Variants in CCSER1 observed in about 807,000 individuals in gnomAD.
CCSER1 encodes coiled-coil serine rich protein 1.
In CCSER1, 41 loss-of-function variants were observed where a neutral mutation model predicts 82.0. That is an observed-to-expected ratio of 0.50 (90% CI 0.39 to 0.65). CCSER1 has a LOEUF of 0.65. Ranked by LOEUF, CCSER1 falls within the 30% of genes least tolerant of loss-of-function variation. The pLI is 0.00. For missense variants in CCSER1, 1,119 were observed against 1,064.2 expected, an observed-to-expected ratio of 1.05 and a Z score of -0.72; for synonymous variants, 414 against 383.9, an observed-to-expected ratio of 1.08 and a Z score of -0.92.
intron 4 of CCSER1, among the ~76,000 whole-genome samples, chr4:90,407,617 C>T (rs1753926079): frequency 6.6e-6 from 1 of 152,156 alleles, no homozygotes; most frequent in African/African-American, 2.4e-5. Flanking sequence ...TACTAGCAAA[C>T]TAAATCCAGC....
At chr4:91,141,012 G>A (rs551040513) in intron 10 of CCSER1, among the ~76,000 whole-genome samples, 4 of 151,968 alleles carry the variant, frequency 2.6e-5, no homozygotes, top group Non-Finnish European at 5.9e-5. Context: ...CCATGTTTAT[G>A]GTCATGTATG....
chr4:90,889,878 T>A (rs1372936441), intron 8 of CCSER1, among the ~76,000 whole-genome samples: 1 of 152,124 alleles, frequency 6.6e-6, no homozygotes, highest in Non-Finnish European at 1.5e-5. Flanking sequence ...TAGCTGACAG[T>A]ATGGGTAGCA....
intron 5 of CCSER1, among the ~76,000 whole-genome samples, chr4:90,562,540 A>T (rs1337722112): frequency 2.0e-5 from 3 of 151,892 alleles, no homozygotes; most frequent in Admixed American, 6.6e-5. Flanking sequence ...TTTATTTTTT[A>T]TTTATTTATT....
At chr4:90,916,256 TTAA>T (rs1242699512) in intron 8 of CCSER1, among the ~76,000 whole-genome samples, 5 of 152,284 alleles carry the variant, frequency 3.3e-5, no homozygotes, top group Admixed American at 2.0e-4. Context: ...GCTACCTGAC[TTAA>T]ACTATACTAC....
chr4:90,343,982 A>G (rs77435453), intron 3 of CCSER1, among the ~76,000 whole-genome samples: 8,804 of 152,038 alleles, frequency 0.058, 338 homozygotes, highest in East Asian at 0.19. Flanking sequence ...GGTCTTATTC[A>G]TTCTTACTAA....
chr4:90,874,777 G>T (rs141021768), intron 8 of CCSER1, among the ~76,000 whole-genome samples: 1 of 152,076 alleles, frequency 6.6e-6, no homozygotes, highest in Non-Finnish European at 1.5e-5. Flanking sequence ...GCTGGGTGTG[G>T]TGTCTCACAC....
At chr4:91,025,821 T>C (rs752213827) in intron 9 of CCSER1, among the ~76,000 whole-genome samples, 1 of 152,150 alleles carries the variant, frequency 6.6e-6, no homozygotes, top group Non-Finnish European at 1.5e-5. Context: ...AATTTTACTC[T>C]GTATAGGGGT....
intron 5 of CCSER1, among the ~76,000 whole-genome samples, chr4:90,538,631 C>T (rs1775721805): frequency 6.6e-6 from 1 of 152,050 alleles, no homozygotes; most frequent in African/African-American, 2.4e-5. Context: ...TATTTTATAA[C>T]AACCTTAACG....
At chr4:90,909,765 A>T (rs1726046818) in intron 8 of CCSER1, among the ~76,000 whole-genome samples, 1 of 152,216 alleles carries the variant, frequency 6.6e-6, no homozygotes, top group Non-Finnish European at 1.5e-5. Context: ...AGCCTGTCTT[A>T]AGTACTAAAG....
chr4:90,956,169 G>A (rs1324356155), intron 9 of CCSER1, among the ~76,000 whole-genome samples: 1 of 152,010 alleles, frequency 6.6e-6, no homozygotes, highest in Non-Finnish European at 1.5e-5. Flanking sequence ...ATATTGCCAA[G>A]TGCCTTAGAA....
intron 5 of CCSER1, among the ~76,000 whole-genome samples, chr4:90,524,249 A>G (rs965733575): frequency 6.6e-6 from 1 of 152,198 alleles, no homozygotes; most frequent in Admixed American, 6.5e-5. Context: ...CGGGAACAAC[A>G]TATTCTTACA....
In CCSER1 at chr4:90,527,223, A is replaced by C. The variant is rs112819271; in HGVS notation, c.1724+58869A>C. On this transcript the variant is annotated intron_variant, in intron 5 of 10. Coordinates refer to ENST00000509176, the MANE Select transcript of CCSER1 (RefSeq NM_001145065.2). The stretch of plus-strand genomic sequence containing the variant: ...ATCTGACAAAGGGCTAATATCCAGA[A>C]TCTACAAGGAACTTAAACAAATTAA... Among the ~76,000 whole-genome samples, 1,497 of 152,340 alleles carry C rather than the reference A, an allele frequency of 9.8e-3. 24 individuals are homozygous for C. The highest frequency in any genetic ancestry group is 0.034 in the African/African-American group (1,420 of 41,568).
intron 5 of CCSER1, among the ~76,000 whole-genome samples, chr4:90,512,239 C>A (rs1771626155): frequency 6.6e-6 from 1 of 151,608 alleles, no homozygotes; most frequent in Admixed American, 6.6e-5. Context: ...CTACTCCATA[C>A]CCCACTCCTT....
chr4:90,400,794 T>C (rs1263205503), intron 4 of CCSER1, among the ~76,000 whole-genome samples: 3 of 152,198 alleles, frequency 2.0e-5, no homozygotes, highest in Non-Finnish European at 4.4e-5. Flanking sequence ...TTATTGGTCG[T>C]CCATTCAAAT....
intron 10 of CCSER1, among the ~76,000 whole-genome samples, chr4:91,482,346 G>T (rs1226585640): frequency 1.3e-5 from 1 of 79,924 alleles, no homozygotes; most frequent in African/African-American, 5.9e-5. Flanking sequence ...AGCTTGCAGT[G>T]AGCCGAGATT....
chr4:90,921,144 T>C (rs549504196), intron 8 of CCSER1, among the ~76,000 whole-genome samples: 1 of 151,998 alleles, frequency 6.6e-6, no homozygotes, highest in South Asian at 2.1e-4. Context: ...TTTATCAATT[T>C]ATAAATTTCC....
intron 10 of CCSER1, among the ~76,000 whole-genome samples, chr4:91,235,973 C>T (rs1193127757): frequency 1.3e-5 from 2 of 152,068 alleles, no homozygotes; most frequent in African/African-American, 4.8e-5. Context: ...CTGAGTTAGA[C>T]ACATTTTGAT....
intron 8 of CCSER1, among the ~76,000 whole-genome samples, chr4:90,825,345 G>A (rs1760271771): frequency 6.6e-6 from 1 of 152,142 alleles, no homozygotes; most frequent in African/African-American, 2.4e-5. Context: ...TATAAGCTAT[G>A]TCATACAATT....
At chr4:90,869,642 C>G (rs1253295168) in intron 8 of CCSER1, among the ~76,000 whole-genome samples, 6 of 151,432 alleles carry the variant, frequency 4.0e-5, no homozygotes. Flanking sequence ...TAATGTGATT[C>G]CTCCAGTTTT....
Sources: gnomAD v4.1 joint callset for allele counts (sites outside exome capture counted in the v4.1 genomes callset) on GRCh38, gnomAD v4.1.1 for gene constraint, MANE v1.5 for transcripts, NCBI Gene and HGNC (gene_info 2026-07-23, HGNC 2026-07-21) for gene names.